SRGAP1: variants seen among roughly 807,000 people sequenced by gnomAD.
SRGAP1 encodes SLIT-ROBO Rho GTPase activating protein 1.
A neutral mutation model predicts 121.9 loss-of-function variants in SRGAP1; 43 were observed. The observed-to-expected ratio is 0.35, with a 90% CI of 0.28 to 0.46. The LOEUF (loss-of-function observed/expected upper bound fraction) is 0.46. Among genes scored for constraint, SRGAP1 ranks in the 20% least tolerant of loss-of-function variants. The probability of loss-of-function intolerance (pLI) is 1.00; values close to 1 mark genes in which losing one functional copy is unlikely to be tolerated. For missense variants in SRGAP1, 1,102 were observed against 1,350.9 expected (o/e 0.82, Z 2.89); for synonymous variants, 447 against 485.4 (o/e 0.92, Z 1.04).
chr12:63,862,121 A>G (rs1043001053), intron 1 of SRGAP1, among the ~76,000 whole-genome samples: 3 of 152,150 alleles, frequency 2.0e-5, no homozygotes, highest in African/African-American at 7.2e-5. Flanking sequence ...CTCCATCTCA[A>G]AAAAAATTTA....
intron 9 of SRGAP1, among the ~76,000 whole-genome samples, chr12:64,079,894 A>G (rs1414726511): frequency 1.3e-5 from 2 of 152,110 alleles, no homozygotes; most frequent in African/African-American, 4.8e-5. Flanking sequence ...TAGAAGATCA[A>G]AGTGGCTGGA....
At chr12:63,886,037 C>T (rs1900370046) in intron 1 of SRGAP1, among the ~76,000 whole-genome samples, 1 of 152,188 alleles carries the variant, frequency 6.6e-6, no homozygotes, top group Non-Finnish European at 1.5e-5. Context: ...CTTACATTTT[C>T]TATAAAATAT....
intron 1 of SRGAP1, among the ~76,000 whole-genome samples, chr12:63,939,297 A>G (rs1005619841): frequency 4.6e-5 from 7 of 152,112 alleles, no homozygotes; most frequent in African/African-American, 1.7e-4. Flanking sequence ...GATGTAAAGT[A>G]GAGGAGTAAT....
At chr12:63,894,312 A>G (rs1374747548) in intron 1 of SRGAP1, among the ~76,000 whole-genome samples, 1 of 152,018 alleles carries the variant, frequency 6.6e-6, no homozygotes, top group Non-Finnish European at 1.5e-5. Context: ...GAAATAGGTA[A>G]CATTTGTGCT....
intron 1 of SRGAP1, among the ~76,000 whole-genome samples, chr12:63,921,307 G>A (rs1308938534): frequency 6.6e-6 from 1 of 152,062 alleles, no homozygotes; most frequent in South Asian, 2.1e-4. Context: ...ATCCATTGTC[G>A]ACTCTGCAGC....
At chr12:63,854,385 A>C (rs1000498338) in intron 1 of SRGAP1, among the ~76,000 whole-genome samples, 4 of 152,178 alleles carry the variant, frequency 2.6e-5, no homozygotes, top group African/African-American at 4.8e-5. Flanking sequence ...GTGTTTTGGC[A>C]TGTATAACAA....
At chr12:63,875,174 A>G (rs1899989453) in intron 1 of SRGAP1, among the ~76,000 whole-genome samples, 1 of 152,150 alleles carries the variant, frequency 6.6e-6, no homozygotes, top group African/African-American at 2.4e-5. Flanking sequence ...TCCACCTCCC[A>G]AAGTGTTGGA....
At chr12:64,043,640 G>A in intron 6 of SRGAP1, 65 bp downstream of exon 6, 1 of 1,295,324 alleles carries the variant, frequency 7.7e-7, no homozygotes, top group African/African-American at 1.5e-5. Context: ...ATATTTCGTT[G>A]ATTGGAAAAT....
intron 3 of SRGAP1, among the ~76,000 whole-genome samples, chr12:64,006,651 A>G (rs1387025578): frequency 6.6e-6 from 1 of 152,196 alleles, no homozygotes; most frequent in Admixed American, 6.5e-5. Flanking sequence ...AAGCTGTTGC[A>G]TTAGTAATCT....
At chr12:63,886,085 G>A (rs562423681) in intron 1 of SRGAP1, among the ~76,000 whole-genome samples, 321 of 152,150 alleles carry the variant, frequency 2.1e-3, no homozygotes, top group Non-Finnish European at 4.0e-3. Context: ...TTTGGAGACC[G>A]AGTCTCACTC....
intron 1 of SRGAP1, among the ~76,000 whole-genome samples, chr12:63,950,619 C>G (rs975436772): frequency 1.3e-5 from 2 of 152,098 alleles, no homozygotes; most frequent in African/African-American, 4.8e-5. Context: ...GAAAGGTTTA[C>G]CTCTTCCTGT....
chr12:63,948,441 C>T (rs1452956515), intron 1 of SRGAP1, among the ~76,000 whole-genome samples: 5 of 152,160 alleles, frequency 3.3e-5, no homozygotes, highest in African/African-American at 1.2e-4. Context: ...GCTGGTGTCT[C>T]CCACAGTCCA....
At chr12:63,973,994 A>G (rs935255779) in intron 1 of SRGAP1, among the ~76,000 whole-genome samples, 2 of 152,222 alleles carry the variant, frequency 1.3e-5, no homozygotes, top group Non-Finnish European at 2.9e-5. Context: ...CTATAAATCA[A>G]TAATTCCCAC....
At chr12:63,947,172 C>G (rs1315450970) in intron 1 of SRGAP1, among the ~76,000 whole-genome samples, 1 of 152,170 alleles carries the variant, frequency 6.6e-6, no homozygotes, top group Non-Finnish European at 1.5e-5. Context: ...ATAGCCAGAT[C>G]ACATGGTAGG....
At chr12:64,046,330 T>C (rs1180017355) in intron 6 of SRGAP1, among the ~76,000 whole-genome samples, 2 of 152,062 alleles carry the variant, frequency 1.3e-5, no homozygotes, top group African/African-American at 4.8e-5. Context: ...AGCAGGGAAG[T>C]GACATCACCT....
intron 1 of SRGAP1, among the ~76,000 whole-genome samples, chr12:63,925,805 C>T (rs1023448474): frequency 7.9e-5 from 12 of 152,116 alleles, no homozygotes; most frequent in Admixed American, 2.6e-4. Flanking sequence ...ATGTTTATAC[C>T]GGGAAGCTGT....
At chr12:64,065,511 A>T (rs1377424148) in intron 8 of SRGAP1, among the ~76,000 whole-genome samples, 1 of 152,228 alleles carries the variant, frequency 6.6e-6, no homozygotes, top group Admixed American at 6.5e-5. Flanking sequence ...ATCAAATTCA[A>T]CATATATATC....
chr12:63,875,910 T>C (rs985107197), intron 1 of SRGAP1, among the ~76,000 whole-genome samples: 1 of 152,190 alleles, frequency 6.6e-6, no homozygotes. Context: ...AATGATAAAA[T>C]TCACTTAATG....
At chr12:64,097,538 C>T in intron 15 of SRGAP1, 163 bp downstream of exon 15, 3 of 760,760 alleles carry the variant, frequency 3.9e-6, no homozygotes, top group Non-Finnish European at 5.9e-6. Context: ...GCGAGTCATC[C>T]TCCCAGCTGT....
Sources: gnomAD v4.1 joint callset for allele counts (sites outside exome capture counted in the v4.1 genomes callset) on GRCh38, gnomAD v4.1.1 for gene constraint, MANE v1.5 for transcripts, NCBI Gene and HGNC (gene_info 2026-07-23, HGNC 2026-07-21) for gene names.